The following LMLN variants were observed in gnomAD, a reference collection of about 807,000 sequenced individuals.
The protein encoded by LMLN is leishmanolysin like peptidase.
LMLN carries 70 observed loss-of-function variants against 92.3 expected under a neutral mutation model. The observed-to-expected ratio is 0.76, with a 90% CI of 0.63 to 0.92. LMLN has a LOEUF of 0.92. Ranked by LOEUF, LMLN falls within the 40% of genes least tolerant of loss-of-function variation. LMLN has a pLI of 0.00. For synonymous variants in LMLN, 308 were observed against 296.2 expected, an observed-to-expected ratio of 1.04 and a Z score of -0.41; for missense variants, 691 against 814.6, an observed-to-expected ratio of 0.85 and a Z score of 1.85.
At chr3:198,007,869 T>A (rs1000828733) in intron 11 of LMLN, among the ~76,000 whole-genome samples, 2 of 152,248 alleles carry the variant, frequency 1.3e-5, no homozygotes, top group African/African-American at 4.8e-5. Flanking sequence ...GCTGCAGATT[T>A]TTTATACATG....
intron 7 of LMLN, among the ~76,000 whole-genome samples, chr3:197,985,122 C>G (rs1721666825): frequency 6.6e-6 from 1 of 152,150 alleles, no homozygotes; most frequent in South Asian, 2.1e-4. Flanking sequence ...GAATGTTTAT[C>G]TTCCCAGTAA....
chr3:198,034,891 C>T (rs1385047228), intron 14 of LMLN, among the ~76,000 whole-genome samples: 2 of 152,016 alleles, frequency 1.3e-5, no homozygotes, highest in African/African-American at 2.4e-5. Flanking sequence ...TAATTTCAAA[C>T]CCCAATTAAA....
chr3:198,036,251 G>T (rs1723232865), intron 15 of LMLN, among the ~76,000 whole-genome samples: 1 of 152,194 alleles, frequency 6.6e-6, no homozygotes, highest in South Asian at 2.1e-4. Flanking sequence ...GAGCAAGGGT[G>T]AGGAACCTTT....
In LMLN at chr3:198,019,451, A is replaced by C; in HGVS notation, c.1365+66A>C. On this transcript the variant is annotated intron_variant, in intron 12 of 15. Transcript: ENST00000330198. The surrounding 1 kb of genome is among the most constrained non-coding windows in gnomAD (Gnocchi z 5.5). ...CAAAAGTAGTCTCCATTTTAACTAA[A>C]AGAGTAAATTCTCTTAAGATTCTTA... 1.4e-6 allele frequency: 2 copies of C among 1,463,942 alleles called. No homozygotes were observed. Among genetic ancestry groups the C allele is most frequent in the Non-Finnish European group, 1.8e-6 (2 of 1,083,688 alleles). 90.7% of individuals were successfully genotyped at this position (1,463,942 alleles called of 1,614,324 possible).
chr3:198,040,596 G>C (rs1723376517), exon 16 of LMLN: 2 of 128,946 alleles, frequency 1.6e-5, no homozygotes, highest in African/African-American at 3.2e-5. Flanking sequence ...CCATGGCATT[G>C]TAACCACAAC....
At chr3:198,028,290 A>C (rs373431685) in intron 14 of LMLN, among the ~76,000 whole-genome samples, 1 of 152,156 alleles carries the variant, frequency 6.6e-6, no homozygotes, top group Non-Finnish European at 1.5e-5. Context: ...TCCGAAGTCC[A>C]TGTTCACATT....
intron 10 of LMLN, among the ~76,000 whole-genome samples, chr3:197,997,523 G>A (rs1433694184): frequency 6.6e-6 from 1 of 152,200 alleles, no homozygotes; most frequent in African/African-American, 2.4e-5. Context: ...GAGGACAGGG[G>A]TAAAGTGTAC....
chr3:198,035,321 C>T (rs1226370831), intron 14 of LMLN, among the ~76,000 whole-genome samples: 2 of 150,074 alleles, frequency 1.3e-5, no homozygotes, highest in East Asian at 3.9e-4. Flanking sequence ...TCCTGCCACA[C>T]AGAGTGTAAT....
chr3:197,961,618 C>T (rs76170643), intron 1 of LMLN, among the ~76,000 whole-genome samples: 10,217 of 152,162 alleles, frequency 0.067, 400 homozygotes, highest in African/African-American at 0.11. Context: ...TCGCTAGTTC[C>T]TCATAGAGTA....
At chr3:198,036,255 A>G (rs1723233079) in intron 15 of LMLN, among the ~76,000 whole-genome samples, 1 of 152,228 alleles carries the variant, frequency 6.6e-6, no homozygotes, top group South Asian at 2.1e-4. Context: ...AAGGGTGAGG[A>G]ACCTTTCTGG....
chr3:197,963,048 A>G (rs1720948834), intron 1 of LMLN, among the ~76,000 whole-genome samples: 1 of 152,186 alleles, frequency 6.6e-6, no homozygotes, highest in African/African-American at 2.4e-5. Flanking sequence ...CATTTACTCT[A>G]TAGATGATTT....
chr3:198,024,765 G>C (rs563117473), exon 14 of LMLN: 2 of 1,609,830 alleles, frequency 1.2e-6, no homozygotes, highest in Admixed American at 3.4e-5. Context: ...GAGTTACCCA[G>C]ACTGGGGAAG....
In LMLN at chr3:198,026,003, C is replaced by A. The variant is rs534333337; in HGVS notation, c.1656+1215C>A. Among the ~76,000 whole-genome samples the A allele has an allele frequency of 4.6e-5, 7 of 152,156 alleles. No individual in the cohort carries two copies. The East Asian group carries it at 1.4e-3, about 29-fold the overall frequency. On this transcript the variant is annotated intron_variant, in intron 14 of 15. Transcript: ENST00000330198. ...ACAGGGTTTTGCTCTGTCACCCAGG[C>A]TAGAGACAATGGTGCGATCACGCTC...
At position 197,966,028 on chromosome 3, in the gene LMLN, T is replaced by A. The variant is rs150120254; in HGVS notation, c.219+5588T>A. ...CTTGTGCATTTTAGGCATTACAACA[T>A]ATATCTTTTGTTTATTGCATGTTTT... On this transcript the variant is annotated intron_variant, in intron 1 of 15. Coordinates refer to ENST00000330198, the Ensembl canonical transcript of LMLN. Among the ~76,000 whole-genome samples, 231 of 152,282 alleles carry A rather than the reference T, an allele frequency of 1.5e-3. 2 individuals are homozygous for A. The highest frequency in any genetic ancestry group is 5.1e-3 in the African/African-American group (214 of 41,556).
chr3:197,974,298 G>A (rs1581133483), intron 1 of LMLN, 79 bp from the exon 2 acceptor site: 2 of 722,270 alleles, frequency 2.8e-6, no homozygotes, highest in East Asian at 5.8e-5. Flanking sequence ...TTGAAATTTA[G>A]TTCATTAATT....
chr3:197,982,408 T>A (rs1280829061), intron 6 of LMLN, among the ~76,000 whole-genome samples: 1 of 151,528 alleles, frequency 6.6e-6, no homozygotes, highest in African/African-American at 2.4e-5. Context: ...GTATTTTTAG[T>A]AGAGACAAGG....
intron 10 of LMLN, among the ~76,000 whole-genome samples, chr3:197,997,310 C>T (rs1459032397): frequency 6.6e-6 from 1 of 151,828 alleles, no homozygotes; most frequent in Admixed American, 6.6e-5. Flanking sequence ...TCTTTTTGTT[C>T]TTTCAGTAGA....
chr3:198,038,535 A>T, intron 15 of LMLN, 32 bp from the exon 17 acceptor site: 1 of 1,468,536 alleles, frequency 6.8e-7, no homozygotes, highest in Non-Finnish European at 9.6e-7. Context: ...AAAATTGTTT[A>T]TAGAAAGTCA....
chr3:197,971,570 A>G (rs1248716374), intron 1 of LMLN, among the ~76,000 whole-genome samples: 1 of 152,108 alleles, frequency 6.6e-6, no homozygotes, highest in Non-Finnish European at 1.5e-5. Context: ...AAGTTTGCCT[A>G]TGATGTACCT....
Sources: allele counts gnomAD v4.1 joint callset (sites outside exome capture counted in the v4.1 genomes callset), GRCh38; gene constraint gnomAD v4.1.1; non-coding constraint Gnocchi (gnomAD v3.1); transcripts MANE v1.5; gene names NCBI Gene and HGNC (gene_info 2026-07-23, HGNC 2026-07-21).